Variants in RTF1 observed in about 807,000 individuals in gnomAD.
RTF1 encodes the protein RNA polymerase-associated protein RTF1 homolog.
RTF1 carries 10 observed loss-of-function variants against 95.7 expected under a neutral mutation model. That is an observed-to-expected ratio of 0.10 (90% CI 0.06 to 0.18). The LOEUF is 0.18. Among genes scored for constraint, RTF1 ranks in the 10% least tolerant of loss-of-function variants. The pLI, the probability that RTF1 is intolerant of heterozygous loss-of-function variation, is 1.00. For synonymous variants in RTF1, 305 were observed against 311.8 expected (o/e 0.98, Z 0.23); for missense variants, 458 against 875.6 (o/e 0.52, Z 6.02).
chr15:41,460,316 T>C (rs2050841333), intron 4 of RTF1, among the ~76,000 whole-genome samples: 1 of 151,904 alleles, frequency 6.6e-6, no homozygotes, highest in Non-Finnish European at 1.5e-5. Context: ...AGAGACAGGG[T>C]TTCACCATGT....
At chr15:41,426,689 GCCCCCCC>G (rs1566835701) in intron 1 of RTF1, among the ~76,000 whole-genome samples, 3 of 4,496 alleles carry the variant, frequency 6.7e-4, no homozygotes, top group Non-Finnish European at 1.3e-3. Flanking sequence ...GATCCACCCC[GCCCCCCC>G]CCCCCCCCGC....
rs751422768 is a variant in RTF1, at chr15:41,476,517, G to A, written c.1554G>A (p.Lys518=). The change falls in exon 12 of 18, where the codon AAG becomes AAA. Residue 518 remains lysine (K), a synonymous_variant. Coordinates refer to ENST00000389629, the MANE Select transcript of RTF1 (RefSeq NM_015138.5). The stretch of plus-strand genomic sequence containing the variant: ...CTATGAAGAAGACTCAGCTACTGAA[G>A]GAAAAGGTAAGGAGTTGTACTCGAG... ...NYAMKKTQLL[K]EKAMAEDLGD... is the part of the protein sequence containing the mutation. 2 of 1,613,194 alleles carry A rather than the reference G, an allele frequency of 1.2e-6. No individual in the cohort carries two copies. The highest frequency in any genetic ancestry group is 1.1e-5 in the South Asian group (1 of 91,036).
chr15:41,460,125 T>TTG (rs1555386640), intron 4 of RTF1, among the ~76,000 whole-genome samples: 33 of 120,958 alleles, frequency 2.7e-4, no homozygotes, highest in Middle Eastern at 7.7e-3. Context: ...GTTTTTGTTT[T>TTG]TTTTTTTTTT....
chr15:41,430,405 T>C (rs903798707), intron 1 of RTF1, among the ~76,000 whole-genome samples: 25 of 151,922 alleles, frequency 1.6e-4, no homozygotes, highest in African/African-American at 5.3e-4. Context: ...ACTTTTTTGT[T>C]GCATATTGGT....
chr15:41,417,580 T>C (rs888618085), intron 1 of RTF1, among the ~76,000 whole-genome samples: 1 of 151,148 alleles, frequency 6.6e-6, no homozygotes, highest in Non-Finnish European at 1.5e-5. Context: ...GGCTCGGGGG[T>C]AGCGAAAGGG....
chr15:41,479,267 T>C (rs1199069631), intron 16 of RTF1, 69 bp downstream of exon 16: 2 of 1,106,724 alleles, frequency 1.8e-6, no homozygotes, highest in Non-Finnish European at 2.7e-6. Flanking sequence ...AAGTACCTTG[T>C]CTAGTTTGGG....
rs200205074 is a variant in RTF1, at chr15:41,473,771, G to A, written c.1204-849G>A. On this transcript the variant is annotated intron_variant, in intron 8 of 17. Transcript: ENST00000389629. The stretch of plus-strand genomic sequence containing the variant: ...TGTAGAGACTGGGTCTCGGCTGGGC[G>A]CAGTGGCTCACGCCTGTAATCCCAG... Among the ~76,000 whole-genome samples the A allele has an allele frequency of 1.7e-4, 26 of 151,500 alleles. No homozygotes were observed. In the East Asian group the frequency reaches 4.7e-3, roughly 27 times the overall value.
At position 41,478,592 on chromosome 15, in the gene RTF1, T is replaced by G; in HGVS notation, c.1785T>G (p.Thr595=). The G allele has an allele frequency of 6.2e-7, 1 of 1,613,942 alleles. No individual in the cohort carries two copies. The highest frequency in any genetic ancestry group is 8.5e-7 in the Non-Finnish European group (1 of 1,179,992). Residue 595 remains threonine, a synonymous_variant, in exon 15 of 18, where the codon ACT becomes ACG. Coordinates refer to ENST00000389629, the MANE Select transcript of RTF1 (RefSeq NM_015138.5). The part of the protein sequence containing the change: ...NMKNQQMDPF[T]RRQCKPTIVS... ...AAAACCAACAGATGGATCCCTTTAC[T>G]CGGCGGCAGTGCAAGCCTACCATCG...
At chr15:41,456,478 G>C (rs2050817223) in intron 3 of RTF1, among the ~76,000 whole-genome samples, 1 of 135,476 alleles carries the variant, frequency 7.4e-6, no homozygotes, top group Admixed American at 7.7e-5. Context: ...GACAGAGAGA[G>C]ACTCTGTCTC....
In RTF1 at chr15:41,421,472, A is replaced by G. The variant is rs966328599; in HGVS notation, c.198+4159A>G. ...ACTCTGTATTAAAAAAAAAAAAAAA[A>G]GAATTTAAAAATTAGCTGGGCATGG... On this transcript the variant is annotated intron_variant, in intron 1 of 17. Transcript: ENST00000389629. Among the ~76,000 whole-genome samples, 3 of 150,514 alleles carry G rather than the reference A, an allele frequency of 2.0e-5. No individual in the cohort carries two copies. In the Admixed American group the frequency reaches 2.0e-4, roughly 10 times the overall value.
chr15:41,474,581 G>C, intron 8 of RTF1, 39 bp from the exon 9 acceptor site: 1 of 1,399,824 alleles, frequency 7.1e-7, no homozygotes, highest in Non-Finnish European at 1.0e-6. Flanking sequence ...AGCTCCGGAA[G>C]AGTCTGGTTT....
chr15:41,471,439 C>A, intron 8 of RTF1, 90 bp downstream of exon 8: 2 of 1,298,706 alleles, frequency 1.5e-6, no homozygotes, highest in Non-Finnish European at 1.1e-6. Context: ...ATCGATCACT[C>A]TTCTCTCAGC....
At chr15:41,424,877 C>A (rs1414258411) in intron 1 of RTF1, among the ~76,000 whole-genome samples, 5 of 148,702 alleles carry the variant, frequency 3.4e-5, no homozygotes, top group African/African-American at 1.2e-4. Context: ...AGTGCGGTGG[C>A]ACACACCTGT....
At chr15:41,421,396 T>C (rs1405340417) in intron 1 of RTF1, among the ~76,000 whole-genome samples, 3 of 149,814 alleles carry the variant, frequency 2.0e-5, no homozygotes, top group African/African-American at 7.4e-5. Context: ...GTGGAGGCTG[T>C]GGTGAGCCGA....
At chr15:41,443,710 G>T (rs1256227192) in intron 2 of RTF1, among the ~76,000 whole-genome samples, 1 of 151,882 alleles carries the variant, frequency 6.6e-6, no homozygotes, top group Non-Finnish European at 1.5e-5. Flanking sequence ...GACCAGCCTG[G>T]GCAATATGGC....
chr15:41,468,569 G>A lies in RTF1; in HGVS notation c.890-1688G>A, dbSNP rs547497141. On this transcript the variant is annotated intron_variant, in intron 6 of 17. Coordinates refer to ENST00000389629, the MANE Select transcript of RTF1 (RefSeq NM_015138.5). Reference sequence around the variant, plus strand: ...CCTGACCTTGTGATCCGCCCGCCTCGGCCTCCCAAAGTGCTGGGATTACAG... The same window carrying A: ...CCTGACCTTGTGATCCGCCCGCCTCAGCCTCCCAAAGTGCTGGGATTACAG... 3.9e-5 allele frequency among the ~76,000 whole-genome samples: 6 copies of A among 152,124 alleles called. No individual in the cohort carries two copies. In the South Asian group the frequency reaches 1.0e-3, roughly 26 times the overall value.
At chr15:41,475,470 T>C in intron 9 of RTF1, 55 bp from the exon 10 acceptor site, 1 of 1,440,608 alleles carries the variant, frequency 6.9e-7, no homozygotes, top group Non-Finnish European at 9.8e-7. Flanking sequence ...GTTGCTTTGC[T>C]TGTACTACAG....
At chr15:41,473,252 G>A (rs898009426) in intron 8 of RTF1, among the ~76,000 whole-genome samples, 1 of 151,868 alleles carries the variant, frequency 6.6e-6, no homozygotes, top group African/African-American at 2.4e-5. Flanking sequence ...TCCTGCCTCA[G>A]CCTCCCGAGT....
intron 1 of RTF1, among the ~76,000 whole-genome samples, chr15:41,428,093 T>C (rs941965536): frequency 1.5e-5 from 2 of 134,176 alleles, no homozygotes; most frequent in Admixed American, 1.5e-4. Flanking sequence ...GGCCGCCTTC[T>C]TTTTTTTTTA....
Sources: gnomAD v4.1 joint callset for allele counts (sites outside exome capture counted in the v4.1 genomes callset) on GRCh38, gnomAD v4.1.1 for gene constraint, MANE v1.5 for transcripts, NCBI Gene and HGNC (gene_info 2026-07-23, HGNC 2026-07-21) for gene names.